The following EFHC2 variants were observed in gnomAD, a reference collection of about 807,000 sequenced individuals.
EFHC2 encodes the protein EF-hand domain-containing family member C2.
A neutral mutation model predicts 52.7 loss-of-function variants in EFHC2; 18 were observed. That is an observed-to-expected ratio of 0.34 (90% CI 0.24 to 0.51). The LOEUF (loss-of-function observed/expected upper bound fraction) is 0.51, where lower values mean the gene tolerates loss of function less well. Among genes scored for constraint, EFHC2 ranks in the 20% least tolerant of loss-of-function variants. The pLI, the probability that EFHC2 is intolerant of heterozygous loss-of-function variation, is 0.97. For synonymous variants in EFHC2, 203 were observed against 204.1 expected (o/e 0.99, Z 0.04); for missense variants, 513 against 562.5 (o/e 0.91, Z 0.89).
At chrX:44,292,456 C>T (rs2037799309) in intron 2 of EFHC2, among the ~76,000 whole-genome samples, 1 of 111,746 alleles carries the variant, frequency 8.9e-6, no homozygotes. Flanking sequence ...GCACATGAAA[C>T]AAAGTTGTGT....
chrX:44,220,901 C>T (rs1359955889), intron 11 of EFHC2, among the ~76,000 whole-genome samples: 4 of 111,419 alleles, frequency 3.6e-5, no homozygotes, highest in Admixed American at 1.9e-4. Flanking sequence ...CACATTCTGC[C>T]GATTGCCCTC....
chrX:44,324,390 T>C (rs1031307537), intron 1 of EFHC2, among the ~76,000 whole-genome samples: 13 of 111,718 alleles, frequency 1.2e-4, no homozygotes, highest in African/African-American at 4.2e-4. Flanking sequence ...ATTTGAGTAA[T>C]AAAACTCTGG....
At chrX:44,221,367 T>C (rs960657762) in intron 11 of EFHC2, among the ~76,000 whole-genome samples, 11 of 111,717 alleles carry the variant, frequency 9.8e-5, no homozygotes, top group African/African-American at 3.6e-4. Context: ...TCTAGTTGAC[T>C]GTCACCAAAT....
intron 2 of EFHC2, chrX:44,309,963 T>C: frequency 1.0e-6 from 1 of 983,848 alleles, no homozygotes. Context: ...CATTTCAGAA[T>C]GTATGTTTTC....
intron 2 of EFHC2, among the ~76,000 whole-genome samples, chrX:44,282,940 G>A (rs1447514511): frequency 2.8e-5 from 3 of 108,907 alleles, no homozygotes; most frequent in African/African-American, 6.7e-5. Flanking sequence ...GATGGAGCGG[G>A]CTGCTGGCCT....
intron 2 of EFHC2, among the ~76,000 whole-genome samples, chrX:44,290,076 T>C (rs1220335278): frequency 1.8e-5 from 2 of 112,310 alleles, no homozygotes; most frequent in Non-Finnish European, 3.8e-5. Flanking sequence ...ATCTAGACTT[T>C]AATTCTTTAG....
intron 14 of EFHC2, among the ~76,000 whole-genome samples, chrX:44,151,773 A>G (rs1295889341): frequency 1.8e-5 from 2 of 112,078 alleles, no homozygotes; most frequent in Non-Finnish European, 3.8e-5. Flanking sequence ...GGAAAGCAGG[A>G]AAAGTTGAAA....
chrX:44,200,161 T>C (rs1906224389), intron 11 of EFHC2, among the ~76,000 whole-genome samples: 2 of 111,798 alleles, frequency 1.8e-5, no homozygotes, highest in Non-Finnish European at 3.8e-5. Flanking sequence ...GGAACTCTAG[T>C]TTGGTAAATT....
chrX:44,314,916 C>T (rs1336366177), intron 1 of EFHC2, among the ~76,000 whole-genome samples: 1 of 110,760 alleles, frequency 9.0e-6, no homozygotes, highest in Non-Finnish European at 1.9e-5. Context: ...CACAATCTTG[C>T]GGAGGAAGCA....
chrX:44,244,221 A>C (rs1214804313), intron 7 of EFHC2, among the ~76,000 whole-genome samples: 2 of 111,958 alleles, frequency 1.8e-5, no homozygotes, highest in African/African-American at 6.5e-5. Context: ...AGTGTATAAA[A>C]GCTGAGAACT....
chrX:44,322,754 G>A (rs1040424676), intron 1 of EFHC2, among the ~76,000 whole-genome samples: 2 of 112,117 alleles, frequency 1.8e-5, no homozygotes, highest in Admixed American at 1.9e-4. Flanking sequence ...CTTGGTATTG[G>A]CTTTTAGAGA....
At chrX:44,209,004 G>A (rs1419837608) in intron 11 of EFHC2, among the ~76,000 whole-genome samples, 1 of 104,410 alleles carries the variant, frequency 9.6e-6, no homozygotes, top group Non-Finnish European at 2.0e-5. Context: ...GCATGATACT[G>A]GGTTGATTGG....
chrX:44,262,664 T>C (rs1320592922), intron 3 of EFHC2, among the ~76,000 whole-genome samples: 1 of 111,224 alleles, frequency 9.0e-6, no homozygotes, highest in East Asian at 2.8e-4. Context: ...GGAGGTGCCT[T>C]GGTCAGAGAC....
intron 8 of EFHC2, among the ~76,000 whole-genome samples, chrX:44,238,970 C>A (rs893875845): frequency 2.7e-5 from 3 of 111,754 alleles, no homozygotes; most frequent in African/African-American, 9.8e-5. Context: ...ACCCAGAACA[C>A]TGCTTGGCAC....
At chrX:44,176,475 G>A (rs1009609486) in intron 12 of EFHC2, 91 bp from the exon 13 acceptor site, 20 of 622,947 alleles carry the variant, frequency 3.2e-5, no homozygotes, top group Non-Finnish European at 3.8e-5. Flanking sequence ...CATTTGTGAT[G>A]TTTCCTGAGA....
intron 8 of EFHC2, 50 bp from the exon 9 acceptor site, chrX:44,235,497 C>T (rs2037312575): frequency 9.2e-7 from 1 of 1,086,487 alleles, no homozygotes; most frequent in African/African-American, 1.8e-5. Context: ...TAATCTTCCA[C>T]ATATTATGTT....
At chrX:44,166,757 T>C (rs932460073) in intron 13 of EFHC2, among the ~76,000 whole-genome samples, 2 of 111,483 alleles carry the variant, frequency 1.8e-5, no homozygotes, top group Non-Finnish European at 3.8e-5. Flanking sequence ...GACTACCAAA[T>C]AAATCTAGGA....
intron 11 of EFHC2, among the ~76,000 whole-genome samples, chrX:44,206,316 C>A (rs2037048234): frequency 9.0e-6 from 1 of 111,637 alleles, no homozygotes; most frequent in Non-Finnish European, 1.9e-5. Context: ...AGTATGTCCG[C>A]TCTCTCCACT....
At chrX:44,167,816 C>T (rs1413254545) in intron 13 of EFHC2, among the ~76,000 whole-genome samples, 1 of 111,738 alleles carries the variant, frequency 8.9e-6, no homozygotes, top group Non-Finnish European at 1.9e-5. Flanking sequence ...AGGAATAAAA[C>T]TAGCTCATGT....
Sources: gnomAD v4.1 joint callset for allele counts (sites outside exome capture counted in the v4.1 genomes callset) on GRCh38, gnomAD v4.1.1 for gene constraint, MANE v1.5 for transcripts, NCBI Gene and HGNC (gene_info 2026-07-23, HGNC 2026-07-21) for gene names.